Variants in HDAC7 observed in about 807,000 individuals in gnomAD.
HDAC7 encodes histone deacetylase 7A.
A neutral mutation model predicts 115.5 loss-of-function variants in HDAC7; 26 were observed. That is an observed-to-expected ratio of 0.23 (90% confidence interval 0.16 to 0.31). The LOEUF (loss-of-function observed/expected upper bound fraction) is 0.31. Ranked by LOEUF, HDAC7 falls within the 10% of genes least tolerant of loss-of-function variation. The pLI is 1.00. For missense variants in HDAC7, 1,068 were observed against 1,329.0 expected (o/e 0.80, Z 3.05); for synonymous variants, 564 against 550.9 (o/e 1.02, Z -0.33).
intron 13 of HDAC7, chr12:47,792,743 T>C (rs1592648097): frequency 4.5e-6 from 2 of 448,692 alleles, no homozygotes; most frequent in African/African-American, 4.0e-5. Flanking sequence ...TCTAAATGTC[T>C]AACTGATAAG....
intron 1 of HDAC7, among the ~76,000 whole-genome samples, chr12:47,818,777 T>C (rs1350410958): frequency 6.6e-6 from 1 of 152,152 alleles, no homozygotes; most frequent in African/African-American, 2.4e-5. Context: ...AGTGTCCAGA[T>C]GCAGGGGGAG....
In HDAC7 at chr12:47,785,197, G is replaced by A. The variant is rs558775463; in HGVS notation, c.2791+190C>T. 52 of 591,714 alleles carry A rather than the reference G, an allele frequency of 8.8e-5. No homozygotes were observed. In the Admixed American group the frequency reaches 1.5e-3, roughly 17 times the overall value. 36.7% of individuals were successfully genotyped at this position (591,714 alleles called of 1,614,324 possible). On this transcript the variant is annotated intron_variant, in intron 24 of 25. Transcript: ENST00000080059. ...TAGGCCCTGCTGGCTCCATCGGGGGGGCTCAGAGGATAACCCCTCACTGGG... is the reference window on the plus strand; with the variant it reads ...TAGGCCCTGCTGGCTCCATCGGGGGAGCTCAGAGGATAACCCCTCACTGGG...
chr12:47,786,843 C>T, intron 21 of HDAC7, 140 bp from the exon 22 acceptor site: 2 of 660,626 alleles, frequency 3.0e-6, no homozygotes, highest in Non-Finnish European at 5.3e-6. Flanking sequence ...TTTCTCTGAC[C>T]TCCTTGACCT....
At position 47,806,349 on chromosome 12, in the gene HDAC7, C is replaced by T. The variant is rs1371131188; in HGVS notation, c.20-4075G>A. On this transcript the variant is annotated intron_variant, in intron 1 of 25. Transcript: ENST00000080059. Reference sequence around the variant, plus strand: ...CAAGCCAGAAACACAATTTAACCTGCTTAAGCTGCCCCACCTGTAATCAGG... The same window carrying T: ...CAAGCCAGAAACACAATTTAACCTGTTTAAGCTGCCCCACCTGTAATCAGG... 2.0e-5 allele frequency among the ~76,000 whole-genome samples: 3 copies of T among 152,252 alleles called. No homozygotes were observed. The East Asian group carries it at 5.8e-4, about 29-fold the overall frequency.
chr12:47,785,917 C>A, intron 22 of HDAC7, 32 bp from the exon 23 acceptor site: 1 of 1,556,120 alleles, frequency 6.4e-7, no homozygotes, highest in Non-Finnish European at 8.7e-7. Flanking sequence ...ATGGGAGGGG[C>A]GGGAGTGGAG....
At chr12:47,789,100 T>A in intron 19 of HDAC7, 161 bp downstream of exon 19, 1 of 665,314 alleles carries the variant, frequency 1.5e-6, no homozygotes, top group Non-Finnish European at 2.7e-6. Context: ...GCCTCCCAAC[T>A]GTGATGTGGG....
chr12:47,794,727 C>T (rs1213521939), intron 12 of HDAC7, 33 bp downstream of exon 12: 10 of 1,528,646 alleles, frequency 6.5e-6, no homozygotes, highest in Middle Eastern at 1.8e-4. Context: ...CTTCTGAGGA[C>T]ACTTTCTGAG....
intron 1 of HDAC7, among the ~76,000 whole-genome samples, chr12:47,809,821 T>G (rs1052630811): frequency 6.6e-6 from 1 of 152,210 alleles, no homozygotes; most frequent in Non-Finnish European, 1.5e-5. Context: ...TCCGCCCACC[T>G]CTGCCTCCCA....
intron 24 of HDAC7, chr12:47,784,450 G>C (rs1168244419): frequency 1.7e-6 from 1 of 604,802 alleles, no homozygotes; most frequent in Non-Finnish European, 2.9e-6. Flanking sequence ...AGTCCTAGCA[G>C]GTGCCCAGCC....
At chr12:47,794,665 G>A (rs527358911) in intron 12 of HDAC7, 95 bp downstream of exon 12, 375 of 1,281,008 alleles carry the variant, frequency 2.9e-4, no homozygotes, top group Admixed American at 4.4e-4. Context: ...GCTGCCTGTT[G>A]CACTGATGTC....
chr12:47,793,300 C>A lies in HDAC7; in HGVS notation c.1678+69G>T. ...GCCTCTAAAAATGTCCCAAGTGACA[C>A]CAAGACACCCACATGGACTCGTGCA... On this transcript the variant is annotated intron_variant, in intron 13 of 25. Coordinates refer to ENST00000080059, the MANE Select transcript of HDAC7 (RefSeq NM_015401.5). The surrounding 1 kb of genome is among the most constrained non-coding windows in gnomAD (Gnocchi z 4.5). 3.3e-6 allele frequency: 4 copies of A among 1,224,508 alleles called. No individual in the cohort carries two copies. Among genetic ancestry groups the A allele is most frequent in the Non-Finnish European group, 4.5e-6 (4 of 896,642 alleles). 75.9% of individuals were successfully genotyped at this position (1,224,508 alleles called of 1,614,324 possible).
Position 47,794,861 on chromosome 12 carries a change from C to A in HDAC7, c.1357G>T (p.Gly453Trp). ...TCGTCCACCACCTGGCCCGGTCCCC[C>A]GCCATCTGTCTCCAGGTCTTCAGCC... Reference protein sequence around the residue: ...PSAEDLETDGGGPGQVVDDGL... With the variant: ...PSAEDLETDGWGPGQVVDDGL... Residue 453 changes from glycine (G) to tryptophan (W), a missense_variant, in exon 12 of 26, where the codon GGG becomes TGG. By Grantham distance (184) the Gly-to-Trp change is radical. Transcript: ENST00000080059. The A allele has an allele frequency of 1.2e-6, 2 of 1,613,466 alleles. No homozygotes were observed. Among genetic ancestry groups the A allele is most frequent in the Non-Finnish European group, 8.5e-7 (1 of 1,179,996 alleles).
Position 47,797,548 on chromosome 12 carries a change from G to C in HDAC7, c.462-49C>G. The C allele has an allele frequency of 7.1e-7, 1 of 1,417,822 alleles. No individual in the cohort carries two copies. 87.8% of individuals were successfully genotyped at this position (1,417,822 alleles called of 1,614,324 possible). ...CTTCAGAGGTGTGGGGACACTGCAC[G>C]GGCACTGCCCTGAGCACGGGCCCTG... On this transcript the variant is annotated intron_variant, in intron 5 of 25. Transcript: ENST00000080059. This position sits in a 1 kb window ranked among gnomAD's most constrained non-coding sequence, Gnocchi z 5.5.
Position 47,803,897 on chromosome 12 carries a change from C to T in HDAC7, c.20-1623G>A, listed in dbSNP as rs1433303138. ...CTTTCTTCTGCAGGACCTGGTCCTC[C>T]CAGAGGTTTCTGGACTGGGCTCCAG... On this transcript the variant is annotated intron_variant, in intron 1 of 25. Transcript: ENST00000080059. This position sits in a 1 kb window ranked among gnomAD's most constrained non-coding sequence, Gnocchi z 4.0. 6.6e-6 allele frequency among the ~76,000 whole-genome samples: 1 copy of T among 152,160 alleles called. No homozygotes were observed. The highest frequency in any genetic ancestry group is 1.5e-5 in the Non-Finnish European group (1 of 68,024).
In HDAC7 at chr12:47,797,365, G is replaced by A. The variant is rs542717496; in HGVS notation, c.577+19C>T. 1.3e-5 allele frequency: 20 copies of A among 1,588,110 alleles called. No individual in the cohort carries two copies. The highest frequency in any genetic ancestry group is 6.7e-5 in the Admixed American group (4 of 59,284). ...CCCCCTTCCTTTGCCTGAAAGGTCC[G>A]CCTGTTTGTTCAGCTCACCTGTCTT... On this transcript the variant is annotated intron_variant, in intron 6 of 25. Transcript: ENST00000080059. The surrounding 1 kb of genome is among the most constrained non-coding windows in gnomAD (Gnocchi z 5.5).
intron 1 of HDAC7, among the ~76,000 whole-genome samples, chr12:47,810,279 G>C (rs762180185): frequency 6.6e-6 from 1 of 152,196 alleles, no homozygotes; most frequent in Admixed American, 6.5e-5. Flanking sequence ...TTGCAAATGA[G>C]GAAACTAAGG....
At position 47,788,137 on chromosome 12, in the gene HDAC7, G is replaced by C; in HGVS notation, c.2263C>G (p.Gln755Glu). The change falls in exon 20 of 26, where the codon CAA (glutamine) becomes GAA (glutamate). Residue 755 changes from glutamine to glutamate, a missense_variant. This residue lies in a region of HDAC7 where 182 missense variants were observed against 301.1 expected (regional missense o/e 0.60). Transcript: ENST00000080059. ...WDVHHGNGTQ[Q>E]TFYQDPSVLY... ...ACACTGGGGTCTTGGTAGAAGGTTT[G>C]CTGGGTGCCGTTGCCATGGTGCACG... 2 of 1,612,510 alleles carry C rather than the reference G, an allele frequency of 1.2e-6. No homozygotes were observed. The highest frequency in any genetic ancestry group is 1.7e-6 in the Non-Finnish European group (2 of 1,179,182).
chr12:47,793,453 A>G lies in HDAC7; in HGVS notation c.1594T>C (p.Ser532Pro), dbSNP rs1269535243. 1.3e-6 allele frequency: 2 copies of G among 1,558,214 alleles called. No individual in the cohort carries two copies. Among genetic ancestry groups the G allele is most frequent in the African/African-American group, 1.4e-5 (1 of 74,028 alleles). The change falls in exon 13 of 26, where the codon TCA becomes CCA. Residue 532 changes from serine (S) to proline (P), a missense_variant. Physicochemically the swap from Ser to Pro is moderately conservative, Grantham distance 74 (BLOSUM62 -1). Coordinates refer to ENST00000080059, the MANE Select transcript of HDAC7 (RefSeq NM_015401.5). The surrounding 1 kb of genome is among the most constrained non-coding windows in gnomAD (Gnocchi z 4.5). The stretch of plus-strand genomic sequence containing the variant: ...CTGGCAGGCTCTGGGGCTGACAGTG[A>G]GGCAGGTGCGGCTGGGGAAGACTGA... Reference protein sequence around the residue: ...RAQSSPAAPASLSAPEPASQA... With the variant: ...RAQSSPAAPAPLSAPEPASQA...
intron 1 of HDAC7, among the ~76,000 whole-genome samples, chr12:47,808,859 A>C (rs1176150136): frequency 6.6e-6 from 1 of 152,184 alleles, no homozygotes; most frequent in Non-Finnish European, 1.5e-5. Context: ...AGTTCCAAAA[A>C]GCCCTCAAAG....
Sources: allele counts gnomAD v4.1 joint callset (sites outside exome capture counted in the v4.1 genomes callset), GRCh38; gene constraint gnomAD v4.1.1; regional missense constraint gnomAD v4.1.1; non-coding constraint Gnocchi (gnomAD v3.1); transcripts MANE v1.5; gene names NCBI Gene and HGNC (gene_info 2026-07-23, HGNC 2026-07-21).